The following SNTG2 variants were observed in gnomAD, a reference collection of about 807,000 sequenced individuals.
SNTG2 encodes the protein gamma-2-syntrophin.
Under a neutral mutation model 70.9 loss-of-function variants are expected in SNTG2, and 74 were observed. The ratio of observed to expected loss-of-function variants is 1.04; its 90% CI spans 0.86 to 1.27. The LOEUF is 1.27. Ranked by LOEUF, SNTG2 falls within the 50% of genes most tolerant of loss-of-function variation. The pLI, the probability that SNTG2 is intolerant of heterozygous loss-of-function variation, is 0.00. For synonymous variants in SNTG2, 278 were observed against 273.8 expected, an observed-to-expected ratio of 1.02 and a Z score of -0.15; for missense variants, 717 against 690.7, an observed-to-expected ratio of 1.04 and a Z score of -0.43.
At chr2:1,358,868 G>A (rs921436626) in intron 16 of SNTG2, among the ~76,000 whole-genome samples, 3 of 152,088 alleles carry the variant, frequency 2.0e-5, no homozygotes, top group African/African-American at 4.8e-5. Context: ...CTATAGTGTT[G>A]TTCAAACTTG....
intron 16 of SNTG2, among the ~76,000 whole-genome samples, chr2:1,356,965 A>T (rs1278767781): frequency 6.6e-6 from 1 of 150,694 alleles, no homozygotes; most frequent in Non-Finnish European, 1.5e-5. Flanking sequence ...TCTATTTTGG[A>T]TCGTCTGTTG....
At chr2:1,022,842 T>A (rs540939036) in intron 1 of SNTG2, among the ~76,000 whole-genome samples, 13 of 152,336 alleles carry the variant, frequency 8.5e-5, no homozygotes, top group African/African-American at 3.1e-4. Context: ...GTTAACATTG[T>A]AGCATCTTGA....
chr2:1,005,185 A>G (rs1050675743), intron 1 of SNTG2, among the ~76,000 whole-genome samples: 7 of 152,156 alleles, frequency 4.6e-5, no homozygotes, highest in Non-Finnish European at 7.4e-5. Flanking sequence ...AGGGGTGAAC[A>G]GGTGGAGCAC....
At chr2:1,129,849 T>G (rs1558434744) in intron 4 of SNTG2, among the ~76,000 whole-genome samples, 1 of 152,198 alleles carries the variant, frequency 6.6e-6, no homozygotes, top group Non-Finnish European at 1.5e-5. Flanking sequence ...ATCAAGAGAA[T>G]GCCTTTAAAT....
At chr2:957,623 A>G (rs955269003) in intron 1 of SNTG2, among the ~76,000 whole-genome samples, 4 of 152,062 alleles carry the variant, frequency 2.6e-5, no homozygotes, top group Non-Finnish European at 4.4e-5. Context: ...CAGACACGAA[A>G]CAGCACAGGG....
rs184824603 is a variant in SNTG2, at chr2:1,228,397, G to A, written c.720-9491G>A. 2.5e-4 allele frequency among the ~76,000 whole-genome samples: 38 copies of A among 152,306 alleles called. No homozygotes were observed. In the East Asian group the frequency reaches 5.8e-3, roughly 23 times the overall value. The stretch of plus-strand genomic sequence containing the variant: ...AGCGCCTCTCTCTCACCCAGGCCCC[G>A]TTCAGCACAGCTGTCCAGCCCCTGG... On this transcript the variant is annotated intron_variant, in intron 9 of 16. Coordinates refer to ENST00000308624, the MANE Select transcript of SNTG2 (RefSeq NM_018968.4).
chr2:1,251,477 C>T (rs1431427479), intron 12 of SNTG2, among the ~76,000 whole-genome samples: 2 of 145,138 alleles, frequency 1.4e-5, no homozygotes, highest in Admixed American at 6.9e-5. Context: ...ACACACCACT[C>T]ATGCACACAC....
At chr2:1,100,096 G>A (rs1211083999) in intron 4 of SNTG2, among the ~76,000 whole-genome samples, 2 of 152,100 alleles carry the variant, frequency 1.3e-5, no homozygotes, top group Non-Finnish European at 2.9e-5. Context: ...AACCAAGATG[G>A]CGGGAAAAGT....
chr2:1,062,883 C>CAT (rs976297722), intron 1 of SNTG2, among the ~76,000 whole-genome samples: 45 of 152,264 alleles, frequency 3.0e-4, no homozygotes, highest in African/African-American at 1.1e-3. Flanking sequence ...CTCACAAACC[C>CAT]ATATATATAC....
intron 14 of SNTG2, among the ~76,000 whole-genome samples, chr2:1,269,258 C>T (rs1477816425): frequency 2.0e-5 from 3 of 152,112 alleles, no homozygotes; most frequent in African/African-American, 7.2e-5. Flanking sequence ...AATCCTAGCC[C>T]TTCTGGAGGC....
At position 1,168,124 on chromosome 2, in the gene SNTG2, G is replaced by T. The variant is rs533783794; in HGVS notation, c.499+2489G>T. Among the ~76,000 whole-genome samples, 4 of 141,296 alleles carry T rather than the reference G, an allele frequency of 2.8e-5. No individual in the cohort carries two copies. In the South Asian group the frequency reaches 9.0e-4, roughly 32 times the overall value. 92.7% of individuals were successfully genotyped at this position (141,296 alleles called of 152,430 possible). A position where few individuals can be genotyped will look rare whatever the true frequency, so the allele number is the denominator to read the frequency against. ...ACGGCAGTACTGAAGCCTACAGGCCGCCCACAGACGGCAGAACTGAAACCT... is the reference window on the plus strand; with the variant it reads ...ACGGCAGTACTGAAGCCTACAGGCCTCCCACAGACGGCAGAACTGAAACCT... On this transcript the variant is annotated intron_variant, in intron 7 of 16. Coordinates refer to ENST00000308624, the MANE Select transcript of SNTG2 (RefSeq NM_018968.4).
At chr2:1,259,753 CT>C (rs1042832098) in intron 13 of SNTG2, among the ~76,000 whole-genome samples, 1 of 152,182 alleles carries the variant, frequency 6.6e-6, no homozygotes, top group African/African-American at 2.4e-5. Context: ...ATTCCAAGAA[CT>C]TTAGATTTTG....
chr2:1,064,189 ATTC>A (rs34509209), intron 1 of SNTG2, among the ~76,000 whole-genome samples: 26,788 of 152,074 alleles, frequency 0.18, 2,413 homozygotes, highest in South Asian at 0.22. Flanking sequence ...CTGTGAAAGT[ATTC>A]TTCAACAATG....
chr2:1,067,671 G>A (rs761822916), intron 1 of SNTG2, among the ~76,000 whole-genome samples: 4 of 152,138 alleles, frequency 2.6e-5, no homozygotes, highest in Non-Finnish European at 5.9e-5. Context: ...AGCAGCACAC[G>A]TCTCAGTATC....
chr2:1,095,126 G>A (rs527782913), intron 2 of SNTG2, among the ~76,000 whole-genome samples: 1 of 152,346 alleles, frequency 6.6e-6, no homozygotes, highest in African/African-American at 2.4e-5. Context: ...TGTATCTGCT[G>A]TCTTTTCCTG....
intron 4 of SNTG2, among the ~76,000 whole-genome samples, chr2:1,136,319 CAGAG>C (rs1222448852): frequency 1.3e-5 from 2 of 151,162 alleles, no homozygotes; most frequent in Non-Finnish European, 2.9e-5. Context: ...TAGAAAGAGA[CAGAG>C]AGACACAGAG....
intron 1 of SNTG2, among the ~76,000 whole-genome samples, chr2:1,067,669 A>C (rs1208749165): frequency 6.6e-6 from 1 of 152,198 alleles, no homozygotes; most frequent in African/African-American, 2.4e-5. Context: ...GGAGCAGCAC[A>C]CGTCTCAGTA....
In SNTG2 at chr2:1,083,632, G is replaced by T. The variant is rs1323590844; in HGVS notation, c.187G>T (p.Gly63Cys). The T allele has an allele frequency of 6.2e-7, 1 of 1,613,724 alleles. No individual in the cohort carries two copies. Among genetic ancestry groups the T allele is most frequent in the Non-Finnish European group, 8.5e-7 (1 of 1,179,700 alleles). Residue 63 changes from glycine to cysteine, a missense_variant, in exon 2 of 17, where the codon GGC (glycine) becomes TGC (cysteine). Coordinates refer to ENST00000308624, the MANE Select transcript of SNTG2 (RefSeq NM_018968.4). ...TCAGAAACAAGATGTTGTCTGTGTG[G>T]GCGGAAGCCACCAGGGCAGGAATGT... ...TIQKQDVVCV[G>C]GSHQGRNRRT...
intron 13 of SNTG2, among the ~76,000 whole-genome samples, chr2:1,264,572 G>A (rs1373241480): frequency 1.3e-5 from 2 of 152,234 alleles, no homozygotes; most frequent in African/African-American, 4.8e-5. Flanking sequence ...ACAGATTGAG[G>A]TCTGCAGCGT....
Sources: allele counts gnomAD v4.1 joint callset (sites outside exome capture counted in the v4.1 genomes callset), GRCh38; gene constraint gnomAD v4.1.1; transcripts MANE v1.5; gene names NCBI Gene and HGNC (gene_info 2026-07-23, HGNC 2026-07-21).